TMC1: variants seen among roughly 807,000 people sequenced by gnomAD.
TMC1 encodes the protein transmembrane channel like 1, also known as transmembrane channel-like protein 1.
A neutral mutation model predicts 105.8 loss-of-function variants in TMC1; 84 were observed. That is an observed-to-expected ratio of 0.79 (90% confidence interval 0.67 to 0.95). The LOEUF (loss-of-function observed/expected upper bound fraction) is 0.95, where lower values mean the gene tolerates loss of function less well. Among genes scored for constraint, TMC1 ranks in the 40% least tolerant of loss-of-function variants. The pLI is 0.00. For missense variants in TMC1, 817 were observed against 914.1 expected (o/e 0.89, Z 1.37); for synonymous variants, 315 against 311.5 (o/e 1.01, Z -0.12).
At chr9:72,597,630 C>T (rs1824740971) in intron 2 of TMC1, among the ~76,000 whole-genome samples, 1 of 152,222 alleles carries the variant, frequency 6.6e-6, no homozygotes, top group Non-Finnish European at 1.5e-5. Flanking sequence ...TGATACCTCT[C>T]ACAAATCCAT....
chr9:72,562,457 T>C (rs1224396658), intron 1 of TMC1, among the ~76,000 whole-genome samples: 1 of 152,246 alleles, frequency 6.6e-6, no homozygotes, highest in Non-Finnish European at 1.5e-5. Context: ...TGAGAACTAA[T>C]CTGTTTTTCT....
chr9:72,681,174 C>T (rs2132176767), intron 5 of TMC1, among the ~76,000 whole-genome samples: 1 of 152,082 alleles, frequency 6.6e-6, no homozygotes, highest in East Asian at 1.9e-4. Flanking sequence ...TTCATTTTAC[C>T]ACACTTATTT....
intron 1 of TMC1, among the ~76,000 whole-genome samples, chr9:72,532,278 C>A (rs545609686): frequency 5.7e-4 from 86 of 152,198 alleles, no homozygotes; most frequent in Non-Finnish European, 5.7e-4. Flanking sequence ...TGGCAGCTCA[C>A]GCCTGTAATC....
chr9:72,753,953 G>A (rs1827628713), intron 11 of TMC1, among the ~76,000 whole-genome samples: 3 of 152,178 alleles, frequency 2.0e-5, no homozygotes, highest in Admixed American at 2.0e-4. Flanking sequence ...TTGGGAGGTT[G>A]TGCAGCTTGT....
intron 2 of TMC1, among the ~76,000 whole-genome samples, chr9:72,603,520 C>T (rs1188012994): frequency 4.6e-5 from 7 of 151,904 alleles, no homozygotes; most frequent in African/African-American, 1.2e-4. Context: ...AGAACCTTAC[C>T]GTGTCAATGT....
chr9:72,765,440 C>T lies in TMC1; in HGVS notation c.742-6973C>T, dbSNP rs76729125. ...ACAAAGGCTTTACAAGTATCTTGAACCAGCTTTAAAGAAAGAGTAGGAATA... is the reference window on the plus strand; with the variant it reads ...ACAAAGGCTTTACAAGTATCTTGAATCAGCTTTAAAGAAAGAGTAGGAATA... On this transcript the variant is annotated intron_variant, in intron 12 of 23. Coordinates refer to ENST00000297784, the MANE Select transcript of TMC1 (RefSeq NM_138691.3). Among the ~76,000 whole-genome samples, 238 of 151,892 alleles carry T rather than the reference C, an allele frequency of 1.6e-3. 8 individuals carry two copies. The East Asian group carries it at 0.039, about 25-fold the overall frequency.
intron 23 of TMC1, among the ~76,000 whole-genome samples, chr9:72,833,344 T>C (rs1323715794): frequency 6.6e-6 from 1 of 152,246 alleles, no homozygotes; most frequent in Non-Finnish European, 1.5e-5. Flanking sequence ...AAATCTCTGC[T>C]ATTTATTGAG....
At chr9:72,806,362 C>A (rs1262372512) in intron 18 of TMC1, among the ~76,000 whole-genome samples, 1 of 141,092 alleles carries the variant, frequency 7.1e-6, no homozygotes, top group African/African-American at 2.7e-5. Flanking sequence ...GACCCCCCCA[C>A]CTCCCTCCCG....
At chr9:72,576,959 C>T (rs1458481881) in intron 1 of TMC1, among the ~76,000 whole-genome samples, 1 of 152,026 alleles carries the variant, frequency 6.6e-6, no homozygotes, top group Admixed American at 6.6e-5. Flanking sequence ...CCTCCTGGAA[C>T]GTGCTTTACT....
chr9:72,709,942 C>A (rs1361600121), intron 8 of TMC1, among the ~76,000 whole-genome samples: 1 of 151,936 alleles, frequency 6.6e-6, no homozygotes, highest in East Asian at 1.9e-4. Flanking sequence ...TGAGGTGTTA[C>A]CTTAGGTTGT....
chr9:72,679,490 A>G (rs1003391059), intron 5 of TMC1, among the ~76,000 whole-genome samples: 1 of 152,078 alleles, frequency 6.6e-6, no homozygotes, highest in East Asian at 1.9e-4. Flanking sequence ...TTTGGTTGCT[A>G]TAACAAAATA....
chr9:72,815,754 C>T (rs187598726), intron 18 of TMC1, among the ~76,000 whole-genome samples: 2 of 152,284 alleles, frequency 1.3e-5, no homozygotes, highest in Non-Finnish European at 1.5e-5. Context: ...TTTATCATCA[C>T]ATCAGATAAT....
chr9:72,570,370 TG>T (rs1824256091), intron 1 of TMC1, among the ~76,000 whole-genome samples: 1 of 151,994 alleles, frequency 6.6e-6, no homozygotes, highest in Non-Finnish European at 1.5e-5. Context: ...TCCACAATTA[TG>T]GCAAATATTC....
At chr9:72,796,843 A>G (rs1828378865) in intron 17 of TMC1, among the ~76,000 whole-genome samples, 1 of 152,144 alleles carries the variant, frequency 6.6e-6, no homozygotes, top group Non-Finnish European at 1.5e-5. Context: ...CACCACTCCT[A>G]TTCAACATAG....
intron 18 of TMC1, chr9:72,808,852 G>C (rs1248602268): frequency 6.6e-6 from 1 of 152,172 alleles, no homozygotes; most frequent in Admixed American, 6.5e-5. Flanking sequence ...CAACAGTTAG[G>C]ACTGTTTTCA....
intron 12 of TMC1, among the ~76,000 whole-genome samples, chr9:72,760,709 T>C (rs1017390436): frequency 6.6e-6 from 1 of 152,070 alleles, no homozygotes. Context: ...GCAGAATAGA[T>C]TTAAGATCTG....
At chr9:72,615,028 G>T (rs954316235) in intron 2 of TMC1, among the ~76,000 whole-genome samples, 5 of 152,066 alleles carry the variant, frequency 3.3e-5, no homozygotes, top group African/African-American at 1.2e-4. Flanking sequence ...ATCATTTTAG[G>T]ATAATTCTGA....
At chr9:72,677,319 G>C (rs572012003) in intron 5 of TMC1, among the ~76,000 whole-genome samples, 1 of 152,200 alleles carries the variant, frequency 6.6e-6, no homozygotes, top group Admixed American at 6.6e-5. Context: ...AGAAAATTCT[G>C]TCTTGCTCAG....
chr9:72,755,064 G>T (rs913710787), intron 12 of TMC1, among the ~76,000 whole-genome samples, 180 bp downstream of exon 12: 100 of 113,506 alleles, frequency 8.8e-4, no homozygotes, highest in Non-Finnish European at 1.6e-3. Context: ...GGGAGGGAGG[G>T]AGGGAGGGAG....
Sources: allele counts gnomAD v4.1 joint callset (sites outside exome capture counted in the v4.1 genomes callset), GRCh38; gene constraint gnomAD v4.1.1; transcripts MANE v1.5; gene names NCBI Gene and HGNC (gene_info 2026-07-23, HGNC 2026-07-21).